The following ADAMTS3 variants were observed in gnomAD, a reference collection of about 807,000 sequenced individuals.
ADAMTS3 encodes A disintegrin and metalloproteinase with thrombospondin motifs 3.
Under a neutral mutation model 129.0 loss-of-function variants are expected in ADAMTS3, and 73 were observed. The ratio of observed to expected loss-of-function variants is 0.57; its 90% confidence interval spans 0.47 to 0.69. The LOEUF (loss-of-function observed/expected upper bound fraction) is 0.69. Among genes scored for constraint, ADAMTS3 ranks in the 30% least tolerant of loss-of-function variants. The probability of loss-of-function intolerance (pLI) is 0.00; values close to 1 mark genes in which losing one functional copy is unlikely to be tolerated. For synonymous variants in ADAMTS3, 477 were observed against 510.8 expected (o/e 0.93, Z 0.89); for missense variants, 1,457 against 1,514.5 (o/e 0.96, Z 0.63).
At chr4:72,510,889 G>A (rs555283218) in intron 3 of ADAMTS3, among the ~76,000 whole-genome samples, 19 of 145,810 alleles carry the variant, frequency 1.3e-4, no homozygotes, top group African/African-American at 4.7e-4. Context: ...CTACAGAGCT[G>A]TGATAAACAA....
intron 3 of ADAMTS3, among the ~76,000 whole-genome samples, chr4:72,515,484 C>G (rs1416597901): frequency 6.6e-6 from 1 of 150,678 alleles, no homozygotes; most frequent in Non-Finnish European, 1.5e-5. Context: ...TCTCCACATC[C>G]TCTCCAGCAC....
At chr4:72,566,469 G>A (rs1004560556) in intron 2 of ADAMTS3, among the ~76,000 whole-genome samples, 11 of 152,072 alleles carry the variant, frequency 7.2e-5, no homozygotes, top group Admixed American at 5.2e-4. Flanking sequence ...TTTAATAAAC[G>A]GCCAATGACT....
In ADAMTS3 at chr4:72,330,780, G is replaced by C. The variant is rs574447331; in HGVS notation, c.862-7683C>G. The C allele has an allele frequency of 3.9e-5, 6 of 152,308 alleles. No homozygotes were observed. In the East Asian group the frequency reaches 5.8e-4, roughly 15 times the overall value. The allele number at this position is 152,308 out of a possible 1,614,324, so 9.4% of individuals were successfully genotyped here. A position where few individuals can be genotyped will look rare whatever the true frequency, so the allele number is the denominator to read the frequency against. On this transcript the variant is annotated intron_variant, in intron 5 of 21. Coordinates refer to ENST00000286657, the MANE Select transcript of ADAMTS3 (RefSeq NM_014243.3). ...GTGAATTATGTCTTACTTCATTTAA[G>C]TATCAAAGGAGCTTTGGAAAGCCCA...
chr4:72,451,698 C>G (rs939398747), intron 3 of ADAMTS3, among the ~76,000 whole-genome samples: 2 of 150,116 alleles, frequency 1.3e-5, no homozygotes, highest in African/African-American at 2.5e-5. Flanking sequence ...ATATCTCTGA[C>G]AAGATTTTTC....
intron 3 of ADAMTS3, 52 bp from the exon 4 acceptor site, chr4:72,415,023 C>A: frequency 8.0e-7 from 1 of 1,254,382 alleles, no homozygotes; most frequent in African/African-American, 1.5e-5. Context: ...CTATCATCTT[C>A]AGCTCACAAG....
intron 3 of ADAMTS3, among the ~76,000 whole-genome samples, chr4:72,431,721 G>GTACTTT (rs1722701904): frequency 6.6e-6 from 1 of 151,880 alleles, no homozygotes; most frequent in Non-Finnish European, 1.5e-5. Context: ...TACTCAACCT[G>GTACTTT]TACTTTTACA....
intron 3 of ADAMTS3, among the ~76,000 whole-genome samples, chr4:72,464,698 T>C (rs1718871486): frequency 6.6e-6 from 1 of 152,000 alleles, no homozygotes; most frequent in Admixed American, 6.6e-5. Context: ...GAATAAAAAC[T>C]ACATCCTGAA....
chr4:72,507,542 C>T (rs1219636053), intron 3 of ADAMTS3, among the ~76,000 whole-genome samples: 2 of 152,160 alleles, frequency 1.3e-5, no homozygotes, highest in Non-Finnish European at 2.9e-5. Flanking sequence ...TGTTAATTAC[C>T]TAATATGTTT....
intron 21 of ADAMTS3, among the ~76,000 whole-genome samples, chr4:72,285,333 C>A (rs1194264819): frequency 6.6e-6 from 1 of 151,922 alleles, no homozygotes; most frequent in Non-Finnish European, 1.5e-5. Context: ...TATGAATGAG[C>A]ATTATATTAA....
In ADAMTS3 at chr4:72,290,992, G is replaced by A. The variant is rs771782412; in HGVS notation, c.2794C>T (p.Arg932Cys). Residue 932 changes from arginine to cysteine, a missense_variant, in exon 20 of 22, where the codon CGC becomes TGC. Transcript: ENST00000286657. ...GSSGYQLRTV[R>C]CLQPLLDGTN... ...CCATCAAGGAGTGGCTGAAGGCAGCGTACAGTGCGAAGCTGATAGCCAGAA... is the reference window on the plus strand; with the variant it reads ...CCATCAAGGAGTGGCTGAAGGCAGCATACAGTGCGAAGCTGATAGCCAGAA... The A allele has an allele frequency of 2.0e-5, 33 of 1,613,916 alleles. No individual in the cohort carries two copies. Among genetic ancestry groups the A allele is most frequent in the East Asian group, 4.5e-5 (2 of 44,836 alleles).
chr4:72,537,687 A>T (rs1721216184), intron 3 of ADAMTS3, among the ~76,000 whole-genome samples: 1 of 152,204 alleles, frequency 6.6e-6, no homozygotes, highest in Admixed American at 6.5e-5. Context: ...GAGATACAAC[A>T]CTATTAGGTT....
At chr4:72,555,764 G>T (rs1027779107) in intron 2 of ADAMTS3, among the ~76,000 whole-genome samples, 1 of 151,658 alleles carries the variant, frequency 6.6e-6, no homozygotes, top group South Asian at 2.1e-4. Flanking sequence ...CCTGGTGGGG[G>T]TGATTGAATC....
intron 3 of ADAMTS3, among the ~76,000 whole-genome samples, chr4:72,457,928 C>T (rs1490790497): frequency 6.6e-6 from 1 of 151,580 alleles, no homozygotes; most frequent in Non-Finnish European, 1.5e-5. Context: ...TGCTGTGACT[C>T]ATCTTTGGAG....
intron 3 of ADAMTS3, among the ~76,000 whole-genome samples, chr4:72,498,732 G>A (rs1460860795): frequency 6.6e-6 from 1 of 151,760 alleles, no homozygotes; most frequent in Non-Finnish European, 1.5e-5. Flanking sequence ...GAGCATCTAG[G>A]ATTCACTTCC....
intron 2 of ADAMTS3, among the ~76,000 whole-genome samples, chr4:72,564,738 C>T (rs1578799982): frequency 6.6e-6 from 1 of 152,264 alleles, no homozygotes; most frequent in East Asian, 1.9e-4. Context: ...CATAGCTATA[C>T]ATATTCTAAC....
intron 3 of ADAMTS3, among the ~76,000 whole-genome samples, chr4:72,529,746 A>G (rs1375361770): frequency 4.5e-4 from 51 of 112,584 alleles, no homozygotes; most frequent in African/African-American, 1.7e-3. Context: ...TTTATTTAAT[A>G]TATTGTATAT....
intron 2 of ADAMTS3, among the ~76,000 whole-genome samples, chr4:72,550,223 A>G (rs1274266710): frequency 6.6e-6 from 1 of 151,958 alleles, no homozygotes; most frequent in Non-Finnish European, 1.5e-5. Flanking sequence ...AAAAAATGGT[A>G]TGATTCACAA....
At position 72,379,818 on chromosome 4, in the gene ADAMTS3, C is replaced by T. The variant is rs145018910; in HGVS notation, c.661+34997G>A. ...ACTGTAAGGACCAAATGAAGTAGTG[C>T]ATATAACACAAAATAGTATATAAAT... On this transcript the variant is annotated intron_variant, in intron 4 of 21. Coordinates refer to ENST00000286657, the MANE Select transcript of ADAMTS3 (RefSeq NM_014243.3). 5.6e-4 allele frequency among the ~76,000 whole-genome samples: 85 copies of T among 152,122 alleles called. 1 individual carries two copies. The East Asian group carries it at 0.015, about 27-fold the overall frequency.
intron 3 of ADAMTS3, among the ~76,000 whole-genome samples, chr4:72,533,673 A>ATATATATG (rs1721110797): frequency 2.0e-5 from 3 of 151,366 alleles, no homozygotes; most frequent in Non-Finnish European, 4.4e-5. Context: ...GTATATGCAC[A>ATATATATG]TATATGCACA....
Sources: allele counts gnomAD v4.1 joint callset (sites outside exome capture counted in the v4.1 genomes callset), GRCh38; gene constraint gnomAD v4.1.1; transcripts MANE v1.5; gene names NCBI Gene and HGNC (gene_info 2026-07-23, HGNC 2026-07-21).